The following NHSL1 variants were observed in gnomAD, a reference collection of about 807,000 sequenced individuals.
NHSL1 encodes the protein NHS-like protein 1.
A neutral mutation model predicts 95.0 loss-of-function variants in NHSL1; 48 were observed. The ratio of observed to expected loss-of-function variants is 0.51; its 90% CI spans 0.40 to 0.64. The LOEUF (loss-of-function observed/expected upper bound fraction) is 0.64. Among genes scored for constraint, NHSL1 ranks in the 30% least tolerant of loss-of-function variants. The pLI is 0.00. For synonymous variants in NHSL1, 783 were observed against 833.9 expected (o/e 0.94, Z 1.05); for missense variants, 1,971 against 2,077.7 (o/e 0.95, Z 1.00).
In NHSL1 at chr6:138,424,117, G is replaced by T. The variant is rs773552116; in HGVS notation, c.4785C>A (p.Ser1595=). 7.1e-7 allele frequency: 1 copy of T among 1,415,674 alleles called. No homozygotes were observed. The highest frequency in any genetic ancestry group is 9.2e-7 in the Non-Finnish European group (1 of 1,086,456). 87.7% of individuals were successfully genotyped at this position (1,415,674 alleles called of 1,614,324 possible). ...GTASAEGREP[S]PQCGGSLSEE... Reference sequence around the variant, plus strand: ...CGCTCAGAGAACCGCCACACTGTGGGGAGGGCTCTCTGCCCTCTGCACTGG... The same window carrying T: ...CGCTCAGAGAACCGCCACACTGTGGTGAGGGCTCTCTGCCCTCTGCACTGG... The change falls in exon 8 of 8, where the codon TCC becomes TCA. Residue 1595 remains serine (S), a synonymous_variant. Transcript: ENST00000343505. This position sits in a 1 kb window ranked among gnomAD's most constrained non-coding sequence, Gnocchi z 5.9.
chr6:138,508,839 C>A (rs1391121875), intron 1 of NHSL1, among the ~76,000 whole-genome samples: 1 of 151,852 alleles, frequency 6.6e-6, no homozygotes, highest in Non-Finnish European at 1.5e-5. Flanking sequence ...GTGAGCTATG[C>A]CTTTCTTGCA....
intron 1 of NHSL1, among the ~76,000 whole-genome samples, chr6:138,581,003 C>T (rs1784047684): frequency 6.6e-6 from 1 of 152,164 alleles, no homozygotes; most frequent in African/African-American, 2.4e-5. Flanking sequence ...ATTCAGCCAC[C>T]AGAGCTGGAA....
At chr6:138,558,851 G>C (rs1337678817) in intron 1 of NHSL1, among the ~76,000 whole-genome samples, 1 of 152,100 alleles carries the variant, frequency 6.6e-6, no homozygotes, top group Non-Finnish European at 1.5e-5. Context: ...AGACCAGCCT[G>C]GGCAACATAG....
intron 1 of NHSL1, among the ~76,000 whole-genome samples, chr6:138,518,951 G>A (rs552848154): frequency 1.3e-5 from 2 of 152,310 alleles, no homozygotes; most frequent in South Asian, 2.1e-4. Flanking sequence ...CGGGGAGGCG[G>A]AGGATGCAGT....
chr6:138,483,099 A>C (rs1187004272), intron 2 of NHSL1, among the ~76,000 whole-genome samples: 1 of 152,226 alleles, frequency 6.6e-6, no homozygotes. Context: ...CAAATACCTA[A>C]AGAGAAGTAG....
chr6:138,605,463 C>CA (rs1185220879), intron 1 of NHSL1, among the ~76,000 whole-genome samples: 2 of 151,768 alleles, frequency 1.3e-5, no homozygotes, highest in East Asian at 3.9e-4. Context: ...TCACCCCCCA[C>CA]AAAAAAAAGT....
At chr6:138,458,624 C>T (rs536939553) in intron 3 of NHSL1, among the ~76,000 whole-genome samples, 8 of 152,194 alleles carry the variant, frequency 5.3e-5, no homozygotes, top group Middle Eastern at 3.4e-3. Flanking sequence ...GTCAGGAGAT[C>T]GAGACCATCC....
chr6:138,544,890 TGAC>T (rs1782721305), intron 1 of NHSL1, among the ~76,000 whole-genome samples: 1 of 151,942 alleles, frequency 6.6e-6, no homozygotes, highest in Non-Finnish European at 1.5e-5. Flanking sequence ...AATCAGGGAA[TGAC>T]GACATATACT....
At chr6:138,652,794 T>C (rs1351461679) in intron 1 of NHSL1, among the ~76,000 whole-genome samples, 1 of 152,260 alleles carries the variant, frequency 6.6e-6, no homozygotes, top group Non-Finnish European at 1.5e-5. Flanking sequence ...TTTCACACTG[T>C]AGAAATATGA....
At chr6:138,533,020 C>T (rs1292149299) in intron 1 of NHSL1, among the ~76,000 whole-genome samples, 1 of 152,154 alleles carries the variant, frequency 6.6e-6, no homozygotes, top group Non-Finnish European at 1.5e-5. Context: ...AACAGATTAA[C>T]AGAGTACCTC....
At chr6:138,630,222 C>CA (rs573054036) in intron 1 of NHSL1, among the ~76,000 whole-genome samples, 2,321 of 138,970 alleles carry the variant, frequency 0.017, 66 homozygotes, top group African/African-American at 0.054. Context: ...CCACTCCCAC[C>CA]AAAAAAAAAA....
chr6:138,479,929 G>T (rs1017908738), intron 2 of NHSL1, among the ~76,000 whole-genome samples: 2 of 152,264 alleles, frequency 1.3e-5, no homozygotes, highest in African/African-American at 4.8e-5. Context: ...TAAATAGATG[G>T]TTACTAAGTA....
Position 138,423,851 on chromosome 6 carries a change from A to C in NHSL1, c.*230T>G. The C allele has an allele frequency of 2.9e-6, 1 of 350,214 alleles. No homozygotes were observed. 21.7% of individuals were successfully genotyped at this position (350,214 alleles called of 1,614,324 possible). ...AAAAAAAAAAAAAATCTTCCCCGGG[A>C]AGCACTTTCAGAAGTTTAAGCTTCT... On this transcript the variant is annotated 3_prime_UTR_variant, in exon 8 of 8. Transcript: ENST00000343505.
At chr6:138,575,431 C>A (rs968439075), upstream of NHSL1, among the ~76,000 whole-genome samples, 2 of 152,190 alleles carry the variant, frequency 1.3e-5, no homozygotes, top group Non-Finnish European at 2.9e-5. Context: ...AGGGACTAGA[C>A]TCATGACTCT....
At chr6:138,547,386 C>CT (rs1323167583), upstream of NHSL1, among the ~76,000 whole-genome samples, 22 of 150,072 alleles carry the variant, frequency 1.5e-4, no homozygotes, top group East Asian at 2.8e-3. Flanking sequence ...GCTTCTTCTT[C>CT]TTTTTTTTTC....
chr6:138,670,103 AGAGT>A (rs368967843), intron 1 of NHSL1, among the ~76,000 whole-genome samples: 52 of 152,212 alleles, frequency 3.4e-4, no homozygotes, highest in Middle Eastern at 3.4e-3. Flanking sequence ...CCTGGGTGAC[AGAGT>A]GAGACTCCAT....
chr6:138,597,428 C>T (rs976718304), intron 1 of NHSL1, among the ~76,000 whole-genome samples: 2 of 152,198 alleles, frequency 1.3e-5, no homozygotes, highest in Admixed American at 6.5e-5. Context: ...ATTTGGCTGC[C>T]TGTGCTATTA....
chr6:138,431,453 A>G lies in NHSL1; in HGVS notation c.2892T>C (p.Pro964=). ...GGGGGAACACAGGAGAGTGAGGCAG[A>G]GGAGAGCCCTGGGAGCAATCTGTGA... ...PPVTDCSQGS[P]LPHSPVFPPP... The change falls in exon 6 of 8, where the codon CCT becomes CCC. Residue 964 remains proline (P), a synonymous_variant. Coordinates refer to ENST00000343505, the MANE Select transcript of NHSL1 (RefSeq NM_001144060.2). This position sits in a 1 kb window ranked among gnomAD's most constrained non-coding sequence, Gnocchi z 4.0. The G allele has an allele frequency of 1.3e-6, 2 of 1,550,738 alleles. No individual in the cohort carries two copies. The highest frequency in any genetic ancestry group is 1.7e-6 in the Non-Finnish European group (2 of 1,146,898).
At chr6:138,557,345 T>C (rs1474925426) in intron 1 of NHSL1, among the ~76,000 whole-genome samples, 4 of 151,708 alleles carry the variant, frequency 2.6e-5, no homozygotes, top group Admixed American at 2.0e-4. Flanking sequence ...GCCCACAGGA[T>C]TGTGGCTCGG....
Sources: allele counts gnomAD v4.1 joint callset (sites outside exome capture counted in the v4.1 genomes callset), GRCh38; gene constraint gnomAD v4.1.1; non-coding constraint Gnocchi (gnomAD v3.1); transcripts MANE v1.5; gene names NCBI Gene and HGNC (gene_info 2026-07-23, HGNC 2026-07-21).